The following AXDND1 variants were observed in gnomAD, a reference collection of about 807,000 sequenced individuals.
The protein encoded by AXDND1 is axonemal dynein light chain domain-containing protein 1.
A neutral mutation model predicts 137.5 loss-of-function variants in AXDND1; 110 were observed. The observed-to-expected ratio is 0.80, with a 90% confidence interval of 0.69 to 0.94. The LOEUF is 0.94. AXDND1 is among the 40% of genes least tolerant of loss of function. AXDND1 has a pLI of 0.00. For missense variants in AXDND1, 1,191 were observed against 1,169.8 expected (o/e 1.02, Z -0.26); for synonymous variants, 414 against 399.7 (o/e 1.04, Z -0.43).
chr1:179,474,559 C>T (rs574772253), intron 17 of AXDND1, among the ~76,000 whole-genome samples: 22 of 152,252 alleles, frequency 1.4e-4, no homozygotes, highest in South Asian at 1.0e-3. Context: ...CCTTGCTATG[C>T]TTTAGTAAAG....
intron 11 of AXDND1, among the ~76,000 whole-genome samples, chr1:179,406,109 T>A (rs1018947764): frequency 6.6e-6 from 1 of 152,228 alleles, no homozygotes; most frequent in African/African-American, 2.4e-5. Context: ...ATGTATTTAC[T>A]GACCCAGTGA....
intron 17 of AXDND1, among the ~76,000 whole-genome samples, chr1:179,476,057 C>T (rs1664586459): frequency 6.6e-6 from 1 of 152,090 alleles, no homozygotes; most frequent in Non-Finnish European, 1.5e-5. Flanking sequence ...TTTTCCTTCC[C>T]CTTACGCCAT....
chr1:179,394,346 TGG>T (rs1322246704), intron 10 of AXDND1, among the ~76,000 whole-genome samples: 1 of 152,206 alleles, frequency 6.6e-6, no homozygotes, highest in East Asian at 1.9e-4. Flanking sequence ...CCCAGCACTT[TGG>T]GAGGCTGAGG....
chr1:179,456,686 G>A lies in AXDND1; in HGVS notation c.1798+11482G>A, dbSNP rs1238260253. The A allele has an allele frequency of 9.2e-5, 73 of 797,422 alleles. 1 individual carries two copies. Among genetic ancestry groups the A allele is most frequent in the Non-Finnish European group, 1.3e-4 (60 of 451,290 alleles). 49.4% of individuals were successfully genotyped at this position (797,422 alleles called of 1,614,324 possible). A position where few individuals can be genotyped will look rare whatever the true frequency, so the allele number is the denominator to read the frequency against. On this transcript the variant is annotated intron_variant, in intron 16 of 25. Coordinates refer to ENST00000367618, the MANE Select transcript of AXDND1 (RefSeq NM_144696.6). ...CATCATGACCACTGAAGTTTCCTCC[G>A]TGACCAAAGTTGTCATTCCCACTGA...
At chr1:179,465,656 C>T (rs1663038841) in intron 16 of AXDND1, among the ~76,000 whole-genome samples, 1 of 152,188 alleles carries the variant, frequency 6.6e-6, no homozygotes, top group Admixed American at 6.5e-5. Flanking sequence ...AGCTGTCAGC[C>T]AGGGATGTTT....
chr1:179,370,409 T>A (rs1045183218), intron 4 of AXDND1, among the ~76,000 whole-genome samples: 11 of 152,246 alleles, frequency 7.2e-5, no homozygotes, highest in Middle Eastern at 3.2e-3. Flanking sequence ...ATGCCTTTAG[T>A]GCTCCTTTTA....
intron 9 of AXDND1, among the ~76,000 whole-genome samples, chr1:179,386,346 C>A (rs12724525): frequency 0.29 from 43,732 of 151,938 alleles, 6,498 homozygotes; most frequent in Non-Finnish European, 0.31. Context: ...CCGAGCCCAG[C>A]CTTAAGATTT....
chr1:179,477,435 G>A (rs1235699896), intron 17 of AXDND1, among the ~76,000 whole-genome samples: 4 of 152,108 alleles, frequency 2.6e-5, no homozygotes, highest in Middle Eastern at 3.4e-3. Context: ...ATGGTGGAAG[G>A]TGAGAGGCCC....
In AXDND1 at chr1:179,525,673, T is replaced by A. The variant is rs553734196; in HGVS notation, c.2610+226T>A. 2.6e-4 allele frequency among the ~76,000 whole-genome samples: 39 copies of A among 152,016 alleles called. No homozygotes were observed. The South Asian group carries it at 5.0e-3, about 19-fold the overall frequency. ...CACCATGCCTAGCTAATTTTTAAAA[T>A]TTTTTTTATAGAGATGGGATCTTGC... On this transcript the variant is annotated intron_variant, in intron 22 of 25. Coordinates refer to ENST00000367618, the MANE Select transcript of AXDND1 (RefSeq NM_144696.6).
intron 2 of AXDND1, among the ~76,000 whole-genome samples, chr1:179,367,451 G>A (rs1369995844): frequency 6.6e-6 from 1 of 152,168 alleles, no homozygotes; most frequent in East Asian, 1.9e-4. Context: ...GGAGGTGGAG[G>A]TTGCAGTGAG....
intron 2 of AXDND1, among the ~76,000 whole-genome samples, chr1:179,367,942 C>G (rs938713100): frequency 3.3e-5 from 5 of 151,322 alleles, no homozygotes; most frequent in African/African-American, 1.2e-4. Flanking sequence ...TCACCTGCAC[C>G]TTGTACTAAA....
intron 11 of AXDND1, among the ~76,000 whole-genome samples, chr1:179,400,378 A>C (rs900878761): frequency 6.6e-6 from 1 of 152,188 alleles, no homozygotes; most frequent in Middle Eastern, 3.4e-3. Context: ...TTAAGCTAGG[A>C]GGATGCAAAG....
intron 15 of AXDND1, among the ~76,000 whole-genome samples, chr1:179,444,734 A>G (rs1264051178): frequency 6.6e-6 from 1 of 150,978 alleles, no homozygotes; most frequent in Non-Finnish European, 1.5e-5. Flanking sequence ...AGGATTTAAT[A>G]TAATGATTTT....
At chr1:179,393,684 G>T (rs750323735) in intron 9 of AXDND1, among the ~76,000 whole-genome samples, 6 of 151,636 alleles carry the variant, frequency 4.0e-5, no homozygotes, top group Admixed American at 3.9e-4. Context: ...GAGATCTTTC[G>T]TCTCCTTGGT....
intron 17 of AXDND1, among the ~76,000 whole-genome samples, chr1:179,480,908 T>G (rs2125532412): frequency 7.3e-6 from 1 of 137,724 alleles, no homozygotes; most frequent in African/African-American, 2.6e-5. Context: ...TTCTTTTTTG[T>G]TTGTTTGTTT....
intron 11 of AXDND1, among the ~76,000 whole-genome samples, chr1:179,400,778 G>A (rs562032758): frequency 4.6e-4 from 70 of 151,036 alleles, no homozygotes; most frequent in African/African-American, 1.5e-3. Flanking sequence ...GGTGGCAGGC[G>A]CCTGTAGTCC....
At position 179,382,791 on chromosome 1, in the gene AXDND1, A is replaced by G. The variant is rs760802305; in HGVS notation, c.638+35A>G. 5 of 1,492,584 alleles carry G rather than the reference A, an allele frequency of 3.3e-6. No individual in the cohort carries two copies. The Admixed American group carries it at 8.5e-5, about 25-fold the overall frequency. The allele number at this position is 1,492,584 out of a possible 1,614,324, so 92.5% of individuals were successfully genotyped here. On this transcript the variant is annotated intron_variant, in intron 7 of 25. Transcript: ENST00000367618. ...GTTTATTTTCTAAAGTCTTTCTCAG[A>G]AAGAATACCTATATACATACACATT... is the stretch of plus-strand genomic sequence containing the variant.
At position 179,472,660 on chromosome 1, in the gene AXDND1, T is replaced by C. The variant is rs540333384; in HGVS notation, c.1997+4019T>C. 8.5e-5 allele frequency among the ~76,000 whole-genome samples: 13 copies of C among 152,338 alleles called. No homozygotes were observed. The South Asian group carries it at 2.7e-3, about 32-fold the overall frequency. On this transcript the variant is annotated intron_variant, in intron 17 of 25. Coordinates refer to ENST00000367618, the MANE Select transcript of AXDND1 (RefSeq NM_144696.6). ...TTCCTTTCTCTTGATGTTTGCTTCA[T>C]GTATTTTTGGTACTTTGTTATTAGG...
intron 16 of AXDND1, among the ~76,000 whole-genome samples, chr1:179,459,296 T>C (rs1661871514): frequency 6.6e-6 from 1 of 152,168 alleles, no homozygotes; most frequent in Non-Finnish European, 1.5e-5. Context: ...CTGGCTAGAA[T>C]ACATTTAGTT....
Sources: allele counts gnomAD v4.1 joint callset (sites outside exome capture counted in the v4.1 genomes callset), GRCh38; gene constraint gnomAD v4.1.1; transcripts MANE v1.5; gene names NCBI Gene and HGNC (gene_info 2026-07-23, HGNC 2026-07-21).